Variants in HEPHL1 observed in about 807,000 individuals in gnomAD.
The protein encoded by HEPHL1 is ferroxidase HEPHL1.
Under a neutral mutation model 122.0 loss-of-function variants are expected in HEPHL1, and 123 were observed. That is an observed-to-expected ratio of 1.01 (90% CI 0.87 to 1.17). The LOEUF is 1.17. Ranked by LOEUF, HEPHL1 falls within the 50% of genes most tolerant of loss-of-function variation. The probability of loss-of-function intolerance (pLI) is 0.00; values close to 1 mark genes in which losing one functional copy is unlikely to be tolerated. For missense variants in HEPHL1, 1,452 were observed against 1,430.5 expected (o/e 1.01, Z -0.24); for synonymous variants, 527 against 508.9 (o/e 1.04, Z -0.48).
Position 94,102,931 on chromosome 11 carries a change from A to G in HEPHL1, c.2593A>G (p.Arg865Gly), listed in dbSNP as rs1946379364. The G allele has an allele frequency of 1.9e-6, 3 of 1,587,574 alleles. No individual in the cohort carries two copies. Among genetic ancestry groups the G allele is most frequent in the Admixed American group, 1.7e-5 (1 of 59,886 alleles). The change falls in exon 15 of 20, where the codon AGA becomes GGA. Residue 865 changes from arginine (R) to glycine (G), a missense_variant. Arg to Gly is a moderately radical substitution (Grantham distance 125, BLOSUM62 -2). Transcript: ENST00000315765. ...TATTACAGGAGAAGTAAAAACTTAT[A>G]GATGGAATATCCCTAAAAGATCCGG... is the stretch of plus-strand genomic sequence containing the variant. ...MTKPGEVKTY[R>G]WNIPKRSGPG...
At chr11:94,068,374 C>T (rs1181507106) in intron 5 of HEPHL1, among the ~76,000 whole-genome samples, 1 of 152,176 alleles carries the variant, frequency 6.6e-6, no homozygotes, top group African/African-American at 2.4e-5. Context: ...CTCTGGACTG[C>T]TCTATTGGAA....
intron 10 of HEPHL1, among the ~76,000 whole-genome samples, chr11:94,084,336 T>A (rs949596226): frequency 6.1e-5 from 9 of 146,770 alleles, no homozygotes; most frequent in South Asian, 2.2e-4. Flanking sequence ...CTCTCTCTGT[T>A]TAAATAAATA....
chr11:94,044,047 C>T lies in HEPHL1; in HGVS notation c.171-1626C>T, dbSNP rs192764523. The stretch of plus-strand genomic sequence containing the variant: ...ACAGCTACATTGGGATGGCTGCACC[C>T]AGGAGTGGTGGAGCTTTTGCTCAAG... On this transcript the variant is annotated intron_variant, in intron 1 of 19. Coordinates refer to ENST00000315765, the MANE Select transcript of HEPHL1 (RefSeq NM_001098672.2). Among the ~76,000 whole-genome samples the T allele has an allele frequency of 1.9e-3, 283 of 151,978 alleles. 1 individual carries two copies. Among genetic ancestry groups the T allele is most frequent in the Non-Finnish European group, 3.5e-3 (236 of 67,988 alleles).
intron 13 of HEPHL1, among the ~76,000 whole-genome samples, chr11:94,094,333 A>C (rs1249515005): frequency 4.0e-5 from 6 of 151,638 alleles, no homozygotes; most frequent in Non-Finnish European, 5.9e-5. Context: ...TGAACTCATC[A>C]TTTTTTATGG....
Position 94,111,974 on chromosome 11 carries a change from G to T in HEPHL1, c.*80G>T. On this transcript the variant is annotated 3_prime_UTR_variant, in exon 20 of 20. Coordinates refer to ENST00000315765, the MANE Select transcript of HEPHL1 (RefSeq NM_001098672.2). ...CAGCCAACAGGGAAACTGGACCAAGGCATCACTCACCAAGGAAGGTTGACA... is the reference window on the plus strand; with the variant it reads ...CAGCCAACAGGGAAACTGGACCAAGTCATCACTCACCAAGGAAGGTTGACA... 1 of 1,015,658 alleles carries T rather than the reference G, an allele frequency of 9.8e-7. No homozygotes were observed. The highest frequency in any genetic ancestry group is 2.5e-5 in the East Asian group (1 of 39,958). 62.9% of individuals were successfully genotyped at this position (1,015,658 alleles called of 1,614,324 possible).
intron 1 of HEPHL1, among the ~76,000 whole-genome samples, chr11:94,037,247 A>G (rs2134408948): frequency 6.6e-6 from 1 of 152,184 alleles, no homozygotes; most frequent in South Asian, 2.1e-4. Context: ...GATTGCTAGC[A>G]CAGCAGTCTG....
chr11:94,079,145 G>A (rs375876035), intron 9 of HEPHL1, among the ~76,000 whole-genome samples: 53 of 152,140 alleles, frequency 3.5e-4, no homozygotes, highest in Non-Finnish European at 5.1e-4. Flanking sequence ...CAGTTGTTGC[G>A]TTGAGTGCTT....
At chr11:94,056,923 C>CATTTATTATGAAGTTTGA (rs1945942792) in intron 2 of HEPHL1, among the ~76,000 whole-genome samples, 1 of 151,946 alleles carries the variant, frequency 6.6e-6, no homozygotes, top group Non-Finnish European at 1.5e-5. Flanking sequence ...TTTGATTGTC[C>CATTTATTATGAAGTTTGA]TTTAGTATTC....
rs568983926 is a variant in HEPHL1, at chr11:94,047,788, G to A, written c.415+1871G>A. Among the ~76,000 whole-genome samples the A allele has an allele frequency of 4.6e-5, 7 of 152,220 alleles. No homozygotes were observed. In the South Asian group the frequency reaches 1.2e-3, roughly 27 times the overall value. On this transcript the variant is annotated intron_variant, in intron 2 of 19. Transcript: ENST00000315765. The stretch of plus-strand genomic sequence containing the variant: ...AAAGCATACCTTAATAGAGTTAATG[G>A]TGTCCTGAAAAATCATTTAGGCCAG...
At chr11:94,052,349 A>G (rs537209577) in intron 2 of HEPHL1, among the ~76,000 whole-genome samples, 2 of 151,992 alleles carry the variant, frequency 1.3e-5, no homozygotes, top group South Asian at 4.2e-4. Context: ...TAGTTACGTT[A>G]ACTTCTAGGT....
Position 94,104,658 on chromosome 11 carries a change from G to A in HEPHL1, c.2813G>A (p.Trp938Ter). Residue 938 changes from tryptophan to a stop codon, truncating the protein, a stop_gained, in exon 16 of 20, where the codon TGG becomes TAG. Coordinates refer to ENST00000315765, the MANE Select transcript of HEPHL1 (RefSeq NM_001098672.2). LOFTEE classifies it high-confidence loss of function. ...LFLVFNENES[W>*]YLDDNIKKYL... ...TTGGTATTTAATGAGAATGAATCCTGGTATCTGGATGACAATATTAAGAAG... is the reference window on the plus strand; with the variant it reads ...TTGGTATTTAATGAGAATGAATCCTAGTATCTGGATGACAATATTAAGAAG... 7 of 1,613,598 alleles carry A rather than the reference G, an allele frequency of 4.3e-6. No homozygotes were observed. Among genetic ancestry groups the A allele is most frequent in the Non-Finnish European group, 5.9e-6 (7 of 1,179,584 alleles).
intron 10 of HEPHL1, among the ~76,000 whole-genome samples, chr11:94,084,756 T>G (rs1591482210): frequency 6.6e-6 from 1 of 152,190 alleles, no homozygotes; most frequent in Non-Finnish European, 1.5e-5. Flanking sequence ...ATTTAGATCA[T>G]TTATTTGCAA....
At chr11:94,066,947 T>TAAAG (rs1946040285) in intron 4 of HEPHL1, among the ~76,000 whole-genome samples, 1 of 152,158 alleles carries the variant, frequency 6.6e-6, no homozygotes, top group African/African-American at 2.4e-5. Flanking sequence ...CTTTTTAAAG[T>TAAAG]AAACAAACAA....
intron 1 of HEPHL1, among the ~76,000 whole-genome samples, chr11:94,036,407 G>A (rs1361226479): frequency 3.9e-5 from 6 of 152,140 alleles, no homozygotes; most frequent in African/African-American, 7.2e-5. Context: ...AAAGAGGATC[G>A]CTGTGCCCTA....
At chr11:94,038,346 T>A (rs1465763416) in intron 1 of HEPHL1, among the ~76,000 whole-genome samples, 1 of 134,838 alleles carries the variant, frequency 7.4e-6, no homozygotes, top group Non-Finnish European at 1.6e-5. Context: ...CAGGCCAACG[T>A]TCAGATTCAG....
At chr11:94,057,958 C>T (rs4753532) in intron 2 of HEPHL1, among the ~76,000 whole-genome samples, 88,494 of 151,840 alleles carry the variant, frequency 0.58, 25,953 homozygotes, top group South Asian at 0.68. Context: ...TGTTTAGTAA[C>T]CTGTGGGCTA....
At chr11:94,101,805 G>C (rs1045848114) in intron 14 of HEPHL1, among the ~76,000 whole-genome samples, 1 of 151,988 alleles carries the variant, frequency 6.6e-6, no homozygotes, top group African/African-American at 2.4e-5. Context: ...TCTTTTTACT[G>C]TCTCCATAGC....
Position 94,112,121 on chromosome 11 carries a change from G to T in HEPHL1, c.*227G>T. Reference sequence around the variant, plus strand: ...GTATAAAACACAGAAAAAGGAGAATGGGCATGGCTGAGAATGTCAACTCTT... The same window carrying T: ...GTATAAAACACAGAAAAAGGAGAATTGGCATGGCTGAGAATGTCAACTCTT... On this transcript the variant is annotated 3_prime_UTR_variant, in exon 20 of 20. Transcript: ENST00000315765. 1 of 369,220 alleles carries T rather than the reference G, an allele frequency of 2.7e-6. No homozygotes were observed. Among genetic ancestry groups the T allele is most frequent in the East Asian group, 4.0e-5 (1 of 24,862 alleles). The allele number at this position is 369,220 out of a possible 1,614,324, so 22.9% of individuals were successfully genotyped here. A position where few individuals can be genotyped will look rare whatever the true frequency, so the allele number is the denominator to read the frequency against.
At chr11:94,055,207 A>G in intron 2 of HEPHL1, 2 of 263,676 alleles carry the variant, frequency 7.6e-6, no homozygotes, top group South Asian at 4.4e-5. Context: ...CTTGGCAGAG[A>G]TGATGGCCAC....
Sources: gnomAD v4.1 joint callset for allele counts (sites outside exome capture counted in the v4.1 genomes callset) on GRCh38, gnomAD v4.1.1 for gene constraint, MANE v1.5 for transcripts, NCBI Gene and HGNC (gene_info 2026-07-23, HGNC 2026-07-21) for gene names.